TANK: variants seen among roughly 807,000 people sequenced by gnomAD.
The protein encoded by TANK is TRAF family member associated NFKB activator, also known as TRAF family member-associated NF-kappa-B activator.
In TANK, 15 loss-of-function variants were observed where a neutral mutation model predicts 43.6. The observed-to-expected ratio is 0.34, with a 90% confidence interval of 0.23 to 0.53. The LOEUF is 0.53. Ranked by LOEUF, TANK falls within the 20% of genes least tolerant of loss-of-function variation. The pLI, the probability that TANK is intolerant of heterozygous loss-of-function variation, is 0.94. For synonymous variants in TANK, 162 were observed against 178.2 expected, an observed-to-expected ratio of 0.91 and a Z score of 0.73; for missense variants, 417 against 498.6, an observed-to-expected ratio of 0.84 and a Z score of 1.56.
intron 4 of TANK, among the ~76,000 whole-genome samples, chr2:161,213,526 CT>C (rs1686985110): frequency 1.3e-5 from 2 of 150,828 alleles, no homozygotes; most frequent in Admixed American, 1.3e-4. Context: ...TCGCTTGAAC[CT>C]AGGAGATGGA....
intron 7 of TANK, 92 bp from the exon 8 acceptor site, chr2:161,235,250 C>A: frequency 2.8e-6 from 3 of 1,085,934 alleles, no homozygotes; most frequent in East Asian, 2.5e-5. Context: ...ATATATATGC[C>A]CATGCGTAAC....
At chr2:161,234,116 A>T (rs2105181454) in intron 7 of TANK, among the ~76,000 whole-genome samples, 1 of 152,338 alleles carries the variant, frequency 6.6e-6, no homozygotes, top group Non-Finnish European at 1.5e-5. Flanking sequence ...TTGTATATTT[A>T]CACCAATTGT....
rs748131159 is a variant in TANK at position 161,222,114 on chromosome 2, A to G, written c.328-1801A>G. On this transcript the variant is annotated intron_variant, in intron 4 of 7. Transcript: ENST00000392749. ...CCCTCTTCATCCCCATTAGTTTTTT[A>G]ATACTTCTTTAATCTCAGAAGCAGT... Among the ~76,000 whole-genome samples, 9 of 152,170 alleles carry G rather than the reference A, an allele frequency of 5.9e-5. No homozygotes were observed. The East Asian group carries it at 1.5e-3, about 26-fold the overall frequency.
chr2:161,232,359 A>G (rs558877171), intron 7 of TANK, among the ~76,000 whole-genome samples: 1 of 152,296 alleles, frequency 6.6e-6, no homozygotes, highest in South Asian at 2.1e-4. Flanking sequence ...ACTTGCAAAC[A>G]TTTGTCTGAT....
intron 5 of TANK, 78 bp downstream of exon 5, chr2:161,224,069 T>C: frequency 9.8e-7 from 1 of 1,016,082 alleles, no homozygotes; most frequent in Non-Finnish European, 1.4e-6. Context: ...TTTTTTAAGC[T>C]TTAACAATTG....
At chr2:161,194,415 T>G (rs906474322) in intron 2 of TANK, among the ~76,000 whole-genome samples, 1 of 152,140 alleles carries the variant, frequency 6.6e-6, no homozygotes, top group Non-Finnish European at 1.5e-5. Context: ...CTATGATGTA[T>G]TAACTGCTTT....
At chr2:161,203,300 T>C (rs1686502735) in intron 2 of TANK, among the ~76,000 whole-genome samples, 187 bp from the exon 3 acceptor site, 1 of 152,162 alleles carries the variant, frequency 6.6e-6, no homozygotes, top group Non-Finnish European at 1.5e-5. Flanking sequence ...GTGCTTTAAG[T>C]GTCTTGAATC....
chr2:161,183,566 A>G (rs2105304497), intron 2 of TANK, among the ~76,000 whole-genome samples: 1 of 152,284 alleles, frequency 6.6e-6, no homozygotes, highest in African/African-American at 2.4e-5. Flanking sequence ...TGGGAGTTTA[A>G]CCCCTTATCT....
intron 2 of TANK, chr2:161,200,680 A>G: frequency 2.8e-6 from 1 of 356,128 alleles, no homozygotes; most frequent in African/African-American, 2.2e-5. Context: ...CCTTTGTCGT[A>G]TTTACCTACT....
intron 1 of TANK, among the ~76,000 whole-genome samples, chr2:161,165,522 G>A (rs1684637669): frequency 6.6e-6 from 1 of 152,012 alleles, no homozygotes; most frequent in East Asian, 1.9e-4. Flanking sequence ...CCTTGAGATT[G>A]TTGTTTCTCA....
intron 4 of TANK, among the ~76,000 whole-genome samples, chr2:161,206,066 G>T (rs570411378): frequency 6.6e-6 from 1 of 152,098 alleles, no homozygotes; most frequent in East Asian, 1.9e-4. Flanking sequence ...ATCACCTCTA[G>T]AATTGGGGAG....
At chr2:161,213,461 G>A (rs952122511) in intron 4 of TANK, among the ~76,000 whole-genome samples, 1 of 152,050 alleles carries the variant, frequency 6.6e-6, no homozygotes, top group Non-Finnish European at 1.5e-5. Flanking sequence ...AAATTAGCCA[G>A]GCATGATGGT....
At chr2:161,227,318 T>C (rs1687681731) in intron 6 of TANK, among the ~76,000 whole-genome samples, 1 of 152,224 alleles carries the variant, frequency 6.6e-6, no homozygotes, top group Non-Finnish European at 1.5e-5. Context: ...CGGGGATAGA[T>C]CAACTGCTAG....
At chr2:161,152,392 T>C (rs1684104780) in intron 1 of TANK, among the ~76,000 whole-genome samples, 1 of 152,188 alleles carries the variant, frequency 6.6e-6, no homozygotes, top group Non-Finnish European at 1.5e-5. Flanking sequence ...TTCTTTATTT[T>C]TGAAGGATAG....
At chr2:161,153,756 T>C (rs1234832834) in intron 1 of TANK, among the ~76,000 whole-genome samples, 1 of 151,256 alleles carries the variant, frequency 6.6e-6, no homozygotes. Context: ...GAATTTTCTA[T>C]ATTACCCAAT....
chr2:161,201,370 T>G (rs1036151902), intron 2 of TANK: 16 of 697,566 alleles, frequency 2.3e-5, no homozygotes, highest in African/African-American at 1.9e-4. Context: ...AAAAATTAAC[T>G]GGCAGAAGCT....
chr2:161,208,965 G>A (rs901820457), intron 4 of TANK, among the ~76,000 whole-genome samples: 1 of 152,192 alleles, frequency 6.6e-6, no homozygotes, highest in South Asian at 2.1e-4. Context: ...CACAGGTATT[G>A]TAGATTGTGG....
intron 7 of TANK, chr2:161,232,902 G>A (rs1162593435): frequency 6.7e-7 from 1 of 1,488,266 alleles, no homozygotes; most frequent in African/African-American, 1.4e-5. Context: ...CATAAGGTTA[G>A]ATAATTGATA....
chr2:161,167,684 G>A lies in TANK; in HGVS notation c.-50+7198G>A, dbSNP rs151332650. Among the ~76,000 whole-genome samples, 580 of 152,052 alleles carry A rather than the reference G, an allele frequency of 3.8e-3. 3 individuals carry two copies. The highest frequency in any genetic ancestry group is 0.013 in the African/African-American group (530 of 41,466). Reference sequence around the variant, plus strand: ...GTCACCCAGGCTGGAGTGCAGTGGCGCGATCTTGTCTCACTGCAAGCTCCG... The same window carrying A: ...GTCACCCAGGCTGGAGTGCAGTGGCACGATCTTGTCTCACTGCAAGCTCCG... On this transcript the variant is annotated intron_variant, in intron 1 of 7. Transcript: ENST00000392749.
Sources: gnomAD v4.1 joint callset for allele counts (sites outside exome capture counted in the v4.1 genomes callset) on GRCh38, gnomAD v4.1.1 for gene constraint, MANE v1.5 for transcripts, NCBI Gene and HGNC (gene_info 2026-07-23, HGNC 2026-07-21) for gene names.